CADM1: variants seen among roughly 807,000 people sequenced by gnomAD.
CADM1 encodes TSLC-1.
A neutral mutation model predicts 53.1 loss-of-function variants in CADM1; 15 were observed. That is an observed-to-expected ratio of 0.28 (90% CI 0.19 to 0.44). The LOEUF is 0.44. Ranked by LOEUF, CADM1 falls within the 20% of genes least tolerant of loss-of-function variation. CADM1 has a pLI of 1.00. For missense variants in CADM1, 434 were observed against 611.3 expected (o/e 0.71, Z 3.06); for synonymous variants, 281 against 243.0 (o/e 1.16, Z -1.45).
chr11:115,316,120 A>C (rs1031405818), intron 1 of CADM1, among the ~76,000 whole-genome samples: 1 of 152,194 alleles, frequency 6.6e-6, no homozygotes, highest in Non-Finnish European at 1.5e-5. Context: ...GGATTTTGTC[A>C]TTTACTGGAC....
chr11:115,295,669 C>G, intron 1 of CADM1, among the ~76,000 whole-genome samples: 1 of 150,968 alleles, frequency 6.6e-6, no homozygotes, highest in Admixed American at 6.6e-5. Context: ...TCCGAAGTTC[C>G]TAACATAATA....
At chr11:115,318,690 G>T (rs1944740629) in intron 1 of CADM1, among the ~76,000 whole-genome samples, 1 of 152,146 alleles carries the variant, frequency 6.6e-6, no homozygotes, top group Non-Finnish European at 1.5e-5. Context: ...AATGGAAATG[G>T]AGGGACAAGT....
intron 1 of CADM1, among the ~76,000 whole-genome samples, chr11:115,275,885 A>C (rs1029651432): frequency 6.6e-6 from 1 of 152,102 alleles, no homozygotes; most frequent in East Asian, 1.9e-4. Context: ...ATTAGCTGCA[A>C]TTTTCAATTT....
At chr11:115,257,140 C>T (rs1047508156) in intron 1 of CADM1, among the ~76,000 whole-genome samples, 7 of 151,944 alleles carry the variant, frequency 4.6e-5, no homozygotes, top group East Asian at 1.9e-4. Context: ...CAACTTTATA[C>T]GGTAGTTTTT....
chr11:115,472,140 G>A (rs879562375), intron 1 of CADM1, among the ~76,000 whole-genome samples: 2 of 152,180 alleles, frequency 1.3e-5, no homozygotes, highest in African/African-American at 4.8e-5. Flanking sequence ...AAATAAAGGG[G>A]AAACTGAGAA....
chr11:115,182,072 A>C (rs1939339162), intron 10 of CADM1, among the ~76,000 whole-genome samples: 1 of 152,210 alleles, frequency 6.6e-6, no homozygotes, highest in Admixed American at 6.5e-5. Context: ...GGGTTTCCCC[A>C]TGAGCCACAG....
At chr11:115,230,396 T>C (rs1941773562) in intron 4 of CADM1, among the ~76,000 whole-genome samples, 1 of 152,212 alleles carries the variant, frequency 6.6e-6, no homozygotes, top group Non-Finnish European at 1.5e-5. Flanking sequence ...TGTAATACGA[T>C]TAACCCTATT....
intron 1 of CADM1, among the ~76,000 whole-genome samples, chr11:115,489,446 T>C (rs1949445067): frequency 6.6e-6 from 1 of 152,248 alleles, no homozygotes; most frequent in Non-Finnish European, 1.5e-5. Context: ...ATAGGATATA[T>C]ACATATTAGA....
chr11:115,407,025 C>T (rs1016451076), intron 1 of CADM1, among the ~76,000 whole-genome samples: 11 of 151,654 alleles, frequency 7.3e-5, no homozygotes, highest in Non-Finnish European at 1.5e-4. Context: ...AAAATGTAAT[C>T]ATCTAGTGTC....
chr11:115,193,071 A>G (rs1425032017), intron 9 of CADM1, among the ~76,000 whole-genome samples: 1 of 152,228 alleles, frequency 6.6e-6, no homozygotes, highest in Non-Finnish European at 1.5e-5. Context: ...GCAAGTGGGG[A>G]CGAGCAAAAT....
intron 1 of CADM1, among the ~76,000 whole-genome samples, chr11:115,261,783 G>C (rs1042418076): frequency 2.0e-5 from 3 of 150,426 alleles, no homozygotes; most frequent in African/African-American, 7.4e-5. Context: ...ACTCCAATAA[G>C]ATTTTTTTTT....
intron 9 of CADM1, among the ~76,000 whole-genome samples, chr11:115,191,489 T>A (rs1022782119): frequency 2.0e-5 from 3 of 152,192 alleles, no homozygotes; most frequent in Non-Finnish European, 4.4e-5. Context: ...ATGATTTTTT[T>A]AAAAAAGAGA....
At chr11:115,385,298 C>A (rs1476843842) in intron 1 of CADM1, among the ~76,000 whole-genome samples, 1 of 151,778 alleles carries the variant, frequency 6.6e-6, no homozygotes, top group East Asian at 1.9e-4. Context: ...CTAACAAATA[C>A]ACAAAATTGT....
chr11:115,253,016 C>T (rs1032592550), intron 1 of CADM1, among the ~76,000 whole-genome samples: 2 of 152,132 alleles, frequency 1.3e-5, no homozygotes, highest in Non-Finnish European at 2.9e-5. Context: ...TTCCCTGGGC[C>T]TCACTGGAAA....
chr11:115,239,154 G>A (rs1318652009), intron 2 of CADM1, among the ~76,000 whole-genome samples: 2 of 151,920 alleles, frequency 1.3e-5, no homozygotes, highest in African/African-American at 4.8e-5. Flanking sequence ...AAAAACAAGG[G>A]TTTCAAATTA....
At chr11:115,445,224 G>A (rs1413404767) in intron 1 of CADM1, among the ~76,000 whole-genome samples, 2 of 152,040 alleles carry the variant, frequency 1.3e-5, no homozygotes, top group African/African-American at 2.4e-5. Flanking sequence ...CCTCTGTCTA[G>A]TAAAGTGTCT....
intron 1 of CADM1, among the ~76,000 whole-genome samples, chr11:115,251,643 A>G (rs1211353881): frequency 6.6e-6 from 1 of 152,150 alleles, no homozygotes; most frequent in Non-Finnish European, 1.5e-5. Flanking sequence ...TGAAATGACA[A>G]TTTCTTAGCT....
At chr11:115,433,660 C>A (rs895506503) in intron 1 of CADM1, among the ~76,000 whole-genome samples, 1 of 152,172 alleles carries the variant, frequency 6.6e-6, no homozygotes, top group African/African-American at 2.4e-5. Flanking sequence ...TTCCCAGGAC[C>A]TATATAAGGT....
chr11:115,476,638 A>G (rs954759004), intron 1 of CADM1, among the ~76,000 whole-genome samples: 3 of 152,220 alleles, frequency 2.0e-5, no homozygotes, highest in African/African-American at 7.2e-5. Flanking sequence ...TGCAGACCTT[A>G]TTAGCATCAC....
Sources: allele counts gnomAD v4.1 joint callset (sites outside exome capture counted in the v4.1 genomes callset), GRCh38; gene constraint gnomAD v4.1.1; transcripts MANE v1.5; gene names NCBI Gene and HGNC (gene_info 2026-07-23, HGNC 2026-07-21).